Variants in CDH12 observed in about 807,000 individuals in gnomAD.
The protein encoded by CDH12 is cadherin 12.
In CDH12, 41 loss-of-function variants were observed where a neutral mutation model predicts 74.1. The observed-to-expected ratio is 0.55, with a 90% CI of 0.43 to 0.72. CDH12 has a LOEUF of 0.72. Among genes scored for constraint, CDH12 ranks in the 30% least tolerant of loss-of-function variants. CDH12 has a pLI of 0.00. For synonymous variants in CDH12, 399 were observed against 355.0 expected (o/e 1.12, Z -1.39); for missense variants, 945 against 977.2 (o/e 0.97, Z 0.44).
At chr5:22,276,438 G>A (rs1037834519) in intron 3 of CDH12, among the ~76,000 whole-genome samples, 13 of 152,136 alleles carry the variant, frequency 8.5e-5, no homozygotes, top group African/African-American at 3.1e-4. Context: ...TAATACATGA[G>A]TTGCCGTAAA....
chr5:22,291,321 G>C (rs1389054297), intron 3 of CDH12, among the ~76,000 whole-genome samples: 1 of 152,020 alleles, frequency 6.6e-6, no homozygotes, highest in Non-Finnish European at 1.5e-5. Flanking sequence ...GCCAACTCTT[G>C]CCATTTCTAT....
At chr5:22,059,938 A>G (rs1741070590) in intron 5 of CDH12, among the ~76,000 whole-genome samples, 3 of 152,142 alleles carry the variant, frequency 2.0e-5, no homozygotes. Flanking sequence ...CTTATCTTCT[A>G]TTATTTAGGT....
chr5:22,730,435 C>T (rs1458505614), intron 1 of CDH12, among the ~76,000 whole-genome samples: 1 of 151,772 alleles, frequency 6.6e-6, no homozygotes, highest in Non-Finnish European at 1.5e-5. Flanking sequence ...AGGCAGTAGA[C>T]AATGTCAGAA....
chr5:21,937,847 C>G (rs962415856), intron 6 of CDH12, among the ~76,000 whole-genome samples: 1 of 152,170 alleles, frequency 6.6e-6, no homozygotes, highest in African/African-American at 2.4e-5. Flanking sequence ...ACTGTGGGAC[C>G]TTGGCAGACC....
intron 10 of CDH12, among the ~76,000 whole-genome samples, chr5:21,785,324 C>T (rs575532154): frequency 1.3e-5 from 2 of 152,200 alleles, no homozygotes; most frequent in Middle Eastern, 3.4e-3. Context: ...GAAAATAAGT[C>T]GAGTAGTAAT....
Position 22,820,818 on chromosome 5 carries a change from G to A in CDH12, c.-523+32240C>T, listed in dbSNP as rs577068396. ...TCTACCAGAGGTACAAGGAGGAACCGGTACCATTCCTTCTGAAACTATTCC... is the reference window on the plus strand; with the variant it reads ...TCTACCAGAGGTACAAGGAGGAACCAGTACCATTCCTTCTGAAACTATTCC... On this transcript the variant is annotated intron_variant, in intron 1 of 14. Transcript: ENST00000382254. Among the ~76,000 whole-genome samples, 12 of 152,184 alleles carry A rather than the reference G, an allele frequency of 7.9e-5. No individual in the cohort carries two copies. The South Asian group carries it at 1.7e-3, about 21-fold the overall frequency.
intron 3 of CDH12, among the ~76,000 whole-genome samples, chr5:22,237,847 T>C (rs1379177431): frequency 6.6e-6 from 1 of 152,172 alleles, no homozygotes; most frequent in Non-Finnish European, 1.5e-5. Flanking sequence ...ATACATACAT[T>C]TTTTAATGGA....
intron 4 of CDH12, among the ~76,000 whole-genome samples, chr5:22,181,084 C>G (rs1199606684): frequency 6.6e-6 from 1 of 152,090 alleles, no homozygotes; most frequent in African/African-American, 2.4e-5. Context: ...CCTCTCTTCT[C>G]CCTCACAAGC....
intron 6 of CDH12, among the ~76,000 whole-genome samples, chr5:21,946,075 C>T (rs1389402200): frequency 6.6e-6 from 1 of 151,868 alleles, no homozygotes; most frequent in Non-Finnish European, 1.5e-5. Flanking sequence ...GCAGATTTTC[C>T]ATCTGAAACC....
intron 3 of CDH12, among the ~76,000 whole-genome samples, chr5:22,278,811 AAGGTAGCTATGG>A (rs1405691711): frequency 1.3e-5 from 2 of 152,136 alleles, no homozygotes; most frequent in Non-Finnish European, 2.9e-5. Flanking sequence ...AGCAGAGGGG[AAGGTAGCTATGG>A]AGGTCATTTT....
At chr5:21,871,452 C>T (rs1443982285) in intron 6 of CDH12, among the ~76,000 whole-genome samples, 8 of 151,890 alleles carry the variant, frequency 5.3e-5, no homozygotes, top group African/African-American at 7.3e-5. Context: ...AAACAAATAC[C>T]GCTGGGCGCA....
chr5:22,650,433 C>T (rs1739675129), intron 1 of CDH12, among the ~76,000 whole-genome samples: 1 of 152,046 alleles, frequency 6.6e-6, no homozygotes, highest in Non-Finnish European at 1.5e-5. Flanking sequence ...GAGATTTAAA[C>T]TGTGTCCTTA....
chr5:22,810,991 AC>A (rs1200299347), intron 1 of CDH12, among the ~76,000 whole-genome samples: 1 of 151,980 alleles, frequency 6.6e-6, no homozygotes, highest in South Asian at 2.1e-4. Context: ...ATATGTACAT[AC>A]ATACACATAT....
chr5:22,432,147 G>A (rs541339807), intron 2 of CDH12, among the ~76,000 whole-genome samples: 1 of 151,952 alleles, frequency 6.6e-6, no homozygotes, highest in African/African-American at 2.4e-5. Context: ...ATTTTATATT[G>A]TATTTTTACT....
At chr5:22,249,746 G>A (rs1471687480) in intron 3 of CDH12, among the ~76,000 whole-genome samples, 1 of 152,130 alleles carries the variant, frequency 6.6e-6, no homozygotes, top group Admixed American at 6.5e-5. Flanking sequence ...GGAAATTACT[G>A]TTCGTTACTA....
At chr5:22,756,016 T>C (rs1308419283) in intron 1 of CDH12, among the ~76,000 whole-genome samples, 4 of 147,030 alleles carry the variant, frequency 2.7e-5, no homozygotes, top group African/African-American at 7.5e-5. Context: ...CTTGATGCTG[T>C]AAATCTCCCC....
intron 4 of CDH12, among the ~76,000 whole-genome samples, chr5:22,102,904 T>G (rs893861832): frequency 2.0e-5 from 3 of 152,064 alleles, no homozygotes; most frequent in African/African-American, 7.2e-5. Flanking sequence ...TGCCATGAAA[T>G]GAGCTAAGAC....
intron 1 of CDH12, among the ~76,000 whole-genome samples, chr5:22,678,282 T>C (rs1741319171): frequency 1.3e-5 from 2 of 152,284 alleles, no homozygotes; most frequent in Admixed American, 1.3e-4. Context: ...AATTTTTCTT[T>C]GGAGTGTTTG....
At chr5:22,294,389 C>T (rs549716297) in intron 3 of CDH12, among the ~76,000 whole-genome samples, 16 of 152,240 alleles carry the variant, frequency 1.1e-4, no homozygotes, top group African/African-American at 3.6e-4. Context: ...GGCCACTATT[C>T]CCAAACTGTT....
Sources: allele counts gnomAD v4.1 joint callset (sites outside exome capture counted in the v4.1 genomes callset), GRCh38; gene constraint gnomAD v4.1.1; transcripts MANE v1.5; gene names NCBI Gene and HGNC (gene_info 2026-07-23, HGNC 2026-07-21).